Variants in TBC1D22A observed in about 807,000 individuals in gnomAD.
TBC1D22A encodes putative GTPase activator.
In TBC1D22A, 38 loss-of-function variants were observed where a neutral mutation model predicts 60.2. The ratio of observed to expected loss-of-function variants is 0.63; its 90% CI spans 0.49 to 0.83. The LOEUF (loss-of-function observed/expected upper bound fraction) is 0.83, where lower values mean the gene tolerates loss of function less well. TBC1D22A is among the 40% of genes least tolerant of loss of function. TBC1D22A has a pLI of 0.00. For missense variants in TBC1D22A, 628 were observed against 701.0 expected, an observed-to-expected ratio of 0.90 and a Z score of 1.18; for synonymous variants, 302 against 281.7, an observed-to-expected ratio of 1.07 and a Z score of -0.72.
chr22:47,150,811 C>T (rs373621084), intron 12 of TBC1D22A, among the ~76,000 whole-genome samples: 4 of 152,290 alleles, frequency 2.6e-5, no homozygotes, highest in East Asian at 1.9e-4. Flanking sequence ...ACGGGGCTCC[C>T]GTGCGTGTGA....
At chr22:46,963,582 A>G (rs1461424065) in intron 8 of TBC1D22A, among the ~76,000 whole-genome samples, 2 of 152,238 alleles carry the variant, frequency 1.3e-5, no homozygotes, top group Admixed American at 6.5e-5. Context: ...GAGACAGGCC[A>G]TCTTGGAAGC....
intron 9 of TBC1D22A, among the ~76,000 whole-genome samples, chr22:46,978,477 T>C (rs553446458): frequency 6.6e-6 from 1 of 152,378 alleles, no homozygotes; most frequent in African/African-American, 2.4e-5. Flanking sequence ...ATCTCCTTAA[T>C]GTCTAACTTA....
chr22:47,043,145 A>C (rs1183562141), intron 11 of TBC1D22A, among the ~76,000 whole-genome samples: 1 of 152,246 alleles, frequency 6.6e-6, no homozygotes, highest in Non-Finnish European at 1.5e-5. Context: ...AGCATCTCTC[A>C]GGCACCTTTC....
chr22:46,884,049 G>A (rs775128021), intron 5 of TBC1D22A, among the ~76,000 whole-genome samples: 4 of 152,226 alleles, frequency 2.6e-5, no homozygotes, highest in African/African-American at 4.8e-5. Flanking sequence ...CTGAGGTTCC[G>A]TTGTGGGGCA....
At chr22:46,840,448 C>A (rs1238976896) in intron 4 of TBC1D22A, among the ~76,000 whole-genome samples, 1 of 152,152 alleles carries the variant, frequency 6.6e-6, no homozygotes, top group Admixed American at 6.5e-5. Context: ...ACCAAAAAAA[C>A]AAATGAGGCT....
At chr22:46,799,851 T>C (rs1348045204) in intron 4 of TBC1D22A, among the ~76,000 whole-genome samples, 1 of 152,262 alleles carries the variant, frequency 6.6e-6, no homozygotes, top group African/African-American at 2.4e-5. Flanking sequence ...CACGTGGTGC[T>C]GGTGGGTCCT....
At chr22:46,971,245 G>A (rs1047687010) in intron 8 of TBC1D22A, among the ~76,000 whole-genome samples, 3 of 152,308 alleles carry the variant, frequency 2.0e-5, no homozygotes, top group African/African-American at 7.2e-5. Flanking sequence ...AAGAGAGCGA[G>A]GCTCCTGCCT....
intron 11 of TBC1D22A, among the ~76,000 whole-genome samples, chr22:47,081,949 G>T (rs937453668): frequency 6.6e-6 from 1 of 152,172 alleles, no homozygotes; most frequent in Non-Finnish European, 1.5e-5. Flanking sequence ...CCTGAGGTCA[G>T]GAGTTCAAGA....
chr22:47,073,208 C>T lies in TBC1D22A; in HGVS notation c.1329+36010C>T, dbSNP rs139503058. On this transcript the variant is annotated intron_variant, in intron 11 of 12. Coordinates refer to ENST00000337137, the MANE Select transcript of TBC1D22A (RefSeq NM_014346.5). The stretch of plus-strand genomic sequence containing the variant: ...AAATAGACATGACCCAGAAAACTCA[C>T]GAGGAAAGAGGAAATCGTGTACTTT... Among the ~76,000 whole-genome samples, 84 of 152,264 alleles carry T rather than the reference C, an allele frequency of 5.5e-4. 1 individual carries two copies. In the East Asian group the frequency reaches 9.8e-3, roughly 18 times the overall value.
intron 7 of TBC1D22A, among the ~76,000 whole-genome samples, chr22:46,910,213 T>C (rs1199067697): frequency 1.3e-5 from 2 of 152,208 alleles, no homozygotes; most frequent in African/African-American, 4.8e-5. Flanking sequence ...GTTACTCACC[T>C]GAACAGCCGT....
chr22:46,889,904 G>A (rs1335871827), intron 5 of TBC1D22A, among the ~76,000 whole-genome samples: 2 of 152,184 alleles, frequency 1.3e-5, no homozygotes, highest in Non-Finnish European at 2.9e-5. Context: ...ATCTTCCTTG[G>A]AGCAGGAGTT....
intron 12 of TBC1D22A, among the ~76,000 whole-genome samples, chr22:47,124,652 G>A (rs1329840762): frequency 2.0e-5 from 3 of 152,268 alleles, no homozygotes; most frequent in African/African-American, 7.2e-5. Flanking sequence ...GGGGCATGGA[G>A]GAGGCAAGCT....
intron 12 of TBC1D22A, among the ~76,000 whole-genome samples, chr22:47,136,262 C>T (rs936754529): frequency 6.6e-6 from 1 of 152,192 alleles, no homozygotes; most frequent in African/African-American, 2.4e-5. Context: ...AGGGTCCTGG[C>T]CCCCGCCCCA....
intron 4 of TBC1D22A, among the ~76,000 whole-genome samples, chr22:46,841,073 T>TGTGTGAGA (rs35099198): frequency 2.0e-5 from 3 of 148,568 alleles, no homozygotes; most frequent in Admixed American, 6.7e-5. Context: ...TGTGTGTGTG[T>TGTGTGAGA]GAGAGAGAGA....
intron 7 of TBC1D22A, among the ~76,000 whole-genome samples, chr22:46,906,603 AGG>A (rs2069485722): frequency 6.6e-6 from 1 of 152,218 alleles, no homozygotes; most frequent in African/African-American, 2.4e-5. Context: ...TCCTTGGAAT[AGG>A]AAGGCTTGGA....
intron 4 of TBC1D22A, among the ~76,000 whole-genome samples, chr22:46,830,384 C>G (rs1005570005): frequency 5.6e-4 from 85 of 152,332 alleles, no homozygotes; most frequent in African/African-American, 2.0e-3. Flanking sequence ...TGCAGTGTTT[C>G]CAGCAGCCCT....
intron 12 of TBC1D22A, among the ~76,000 whole-genome samples, chr22:47,139,633 G>A (rs1411389610): frequency 6.6e-6 from 1 of 152,200 alleles, no homozygotes; most frequent in African/African-American, 2.4e-5. Flanking sequence ...CCATTCCTGG[G>A]TGAGTCTAGG....
rs1602598268 is a variant in TBC1D22A, at chr22:46,944,534, G to T, written c.1016-29756G>T. 2.0e-5 allele frequency among the ~76,000 whole-genome samples: 3 copies of T among 152,254 alleles called. 1 individual carries two copies. The South Asian group carries it at 6.2e-4, about 32-fold the overall frequency. ...CTGCCTCAGCCTCCCAAGTAGCTGG[G>T]ACTACAGGCGCCCGCCACCATGCCC... is the stretch of plus-strand genomic sequence containing the variant. On this transcript the variant is annotated intron_variant, in intron 8 of 12. Coordinates refer to ENST00000337137, the MANE Select transcript of TBC1D22A (RefSeq NM_014346.5).
intron 1 of TBC1D22A, among the ~76,000 whole-genome samples, chr22:46,779,774 G>C (rs959868807): frequency 4.1e-4 from 62 of 152,216 alleles, no homozygotes; most frequent in African/African-American, 1.4e-3. Context: ...ACAAAATGCA[G>C]CCCCTGTAGC....
Sources: allele counts gnomAD v4.1 joint callset (sites outside exome capture counted in the v4.1 genomes callset), GRCh38; gene constraint gnomAD v4.1.1; transcripts MANE v1.5; gene names NCBI Gene and HGNC (gene_info 2026-07-23, HGNC 2026-07-21).